NTSR1: variants seen among roughly 807,000 people sequenced by gnomAD.
The protein encoded by NTSR1 is neurotensin receptor type 1.
A neutral mutation model predicts 31.2 loss-of-function variants in NTSR1; 29 were observed. The observed-to-expected ratio is 0.93, with a 90% CI of 0.69 to 1.27. The LOEUF (loss-of-function observed/expected upper bound fraction) is 1.27, where lower values mean the gene tolerates loss of function less well. NTSR1 is among the 50% of genes most tolerant of loss of function. The probability of loss-of-function intolerance (pLI) is 0.00; values close to 1 mark genes in which losing one functional copy is unlikely to be tolerated. For missense variants in NTSR1, 697 were observed against 595.4 expected, an observed-to-expected ratio of 1.17 and a Z score of -1.78; for synonymous variants, 282 against 269.9, an observed-to-expected ratio of 1.04 and a Z score of -0.44.
chr20:62,739,791 C>G (rs1013487962), intron 1 of NTSR1, among the ~76,000 whole-genome samples: 1 of 152,280 alleles, frequency 6.6e-6, no homozygotes, highest in Non-Finnish European at 1.5e-5. Context: ...GGCAGAAAAG[C>G]ACACAGAGAA....
chr20:62,741,954 GC>G lies in NTSR1; in HGVS notation c.715-12729del, dbSNP rs1310041263. ...TATCTACAAAAGGAGCCTGACAGGA[GC>G]CTCTGCCTCACAGATGAGACCTGTG... On this transcript the variant is annotated intron_variant, in intron 1 of 3. Coordinates refer to ENST00000370501, the MANE Select transcript of NTSR1 (RefSeq NM_002531.3). The surrounding 1 kb of genome is among the most constrained non-coding windows in gnomAD (Gnocchi z 4.3). Among the ~76,000 whole-genome samples, 1 of 149,460 alleles carries G rather than the reference GC, an allele frequency of 6.7e-6. No homozygotes were observed. The highest frequency in any genetic ancestry group is 1.5e-5 in the Non-Finnish European group (1 of 68,020).
intron 3 of NTSR1, 104 bp from the exon 4 acceptor site, chr20:62,759,914 G>A (rs545637574): frequency 3.6e-5 from 41 of 1,132,696 alleles, no homozygotes; most frequent in Middle Eastern, 4.1e-4. Context: ...TTTAATTAGC[G>A]TCTGAGCCAC....
chr20:62,709,119 T>C lies in NTSR1; in HGVS notation c.-89T>C. ...CACGCGCCCTCCCCTGGGCTCCCGT[T>C]CATCGGTCCCCGCCTGAGACGCGCC... On this transcript the variant is annotated 5_prime_UTR_variant, in exon 1 of 4. Coordinates refer to ENST00000370501, the MANE Select transcript of NTSR1 (RefSeq NM_002531.3). 1 of 1,110,896 alleles carries C rather than the reference T, an allele frequency of 9.0e-7. No individual in the cohort carries two copies. Among genetic ancestry groups the C allele is most frequent in the Non-Finnish European group, 1.2e-6 (1 of 842,680 alleles). The allele number at this position is 1,110,896 out of a possible 1,614,324, so 68.8% of individuals were successfully genotyped here. A position where few individuals can be genotyped will look rare whatever the true frequency, so the allele number is the denominator to read the frequency against.
rs1454958126 is a variant in NTSR1 at position 62,709,663 on chromosome 20, C to T, written c.456C>T (p.Thr152=). Reference sequence around the variant, plus strand: ...ACTACTTCCTGCGCGACGCCTGCACCTACGCCACGGCCCTCAACGTGGCCA... The same window carrying T: ...ACTACTTCCTGCGCGACGCCTGCACTTACGCCACGGCCCTCAACGTGGCCA... The part of the protein sequence containing the change: ...RGYYFLRDAC[T]YATALNVASL... Residue 152 remains threonine (T), a synonymous_variant, in exon 1 of 4, where the codon ACC becomes ACT. Transcript: ENST00000370501. The T allele has an allele frequency of 3.1e-6, 5 of 1,612,596 alleles. No individual in the cohort carries two copies. In the East Asian group the frequency reaches 1.1e-4, roughly 36 times the overall value.
At chr20:62,713,125 A>G (rs909119256) in intron 1 of NTSR1, among the ~76,000 whole-genome samples, 12 of 152,324 alleles carry the variant, frequency 7.9e-5, no homozygotes, top group Non-Finnish European at 1.0e-4. Flanking sequence ...GCACGAGTCC[A>G]TTAGACCCTC....
chr20:62,711,683 A>G lies in NTSR1; in HGVS notation c.714+1762A>G, dbSNP rs1467445181. On this transcript the variant is annotated intron_variant, in intron 1 of 3. Transcript: ENST00000370501. This position sits in a 1 kb window ranked among gnomAD's most constrained non-coding sequence, Gnocchi z 6.4. Reference sequence around the variant, plus strand: ...GCAGTCCTCAAAAACAAACAGCCGAAAAGCACAGGGGCGTGAGGACAGCTC... The same window carrying G: ...GCAGTCCTCAAAAACAAACAGCCGAGAAGCACAGGGGCGTGAGGACAGCTC... Among the ~76,000 whole-genome samples, 5 of 152,082 alleles carry G rather than the reference A, an allele frequency of 3.3e-5. No homozygotes were observed. In the East Asian group the frequency reaches 9.7e-4, roughly 30 times the overall value.
chr20:62,759,963 C>G, intron 3 of NTSR1, 55 bp from the exon 4 acceptor site: 1 of 1,590,836 alleles, frequency 6.3e-7, no homozygotes, highest in Non-Finnish European at 8.6e-7. Flanking sequence ...TGTCACCCTG[C>G]CTTGGGGCCC....
At position 62,714,744 on chromosome 20, in the gene NTSR1, TACAA is replaced by T. The variant is rs1012352380; in HGVS notation, c.714+4827_714+4830del. Among the ~76,000 whole-genome samples the T allele has an allele frequency of 3.3e-5, 5 of 152,198 alleles. No homozygotes were observed. Among genetic ancestry groups the T allele is most frequent in the African/African-American group, 7.2e-5 (3 of 41,442 alleles). The stretch of plus-strand genomic sequence containing the variant: ...TCCAAATAAACAACTCGTTCTGTTC[TACAA>T]ACAGTGAGGGAATCGGAGACGGTGG... On this transcript the variant is annotated intron_variant, in intron 1 of 3. Coordinates refer to ENST00000370501, the MANE Select transcript of NTSR1 (RefSeq NM_002531.3). This position sits in a 1 kb window ranked among gnomAD's most constrained non-coding sequence, Gnocchi z 4.1.
At chr20:62,713,935 A>G (rs1286266067) in intron 1 of NTSR1, among the ~76,000 whole-genome samples, 1 of 152,188 alleles carries the variant, frequency 6.6e-6, no homozygotes, top group Admixed American at 6.5e-5. Context: ...ACCCATCTCT[A>G]CTAAAAATAC....
At chr20:62,755,328 C>T (rs1318688113) in intron 2 of NTSR1, among the ~76,000 whole-genome samples, 18 of 99,444 alleles carry the variant, frequency 1.8e-4, no homozygotes, top group African/African-American at 6.9e-4. Context: ...TTCCTTCCTC[C>T]CTCCCTCCAT....
chr20:62,719,015 G>A (rs912936313), intron 1 of NTSR1, among the ~76,000 whole-genome samples: 1 of 151,894 alleles, frequency 6.6e-6, no homozygotes, highest in Non-Finnish European at 1.5e-5. Flanking sequence ...ATCCTGGCCA[G>A]CTCCTGGTCT....
At position 62,711,762 on chromosome 20, in the gene NTSR1, A is replaced by T. The variant is rs1988620518; in HGVS notation, c.714+1841A>T. On this transcript the variant is annotated intron_variant, in intron 1 of 3. Coordinates refer to ENST00000370501, the MANE Select transcript of NTSR1 (RefSeq NM_002531.3). The surrounding 1 kb of genome is among the most constrained non-coding windows in gnomAD (Gnocchi z 6.4). ...CGCGTGCGTGGGCTCTCTGCCAGGT[A>T]CTTGGGATTGGGCACCTGGGGGACA... 6.6e-6 allele frequency among the ~76,000 whole-genome samples: 1 copy of T among 152,254 alleles called. No individual in the cohort carries two copies. The highest frequency in any genetic ancestry group is 2.4e-5 in the African/African-American group (1 of 41,570).
chr20:62,739,087 T>C (rs1438865630), intron 1 of NTSR1, among the ~76,000 whole-genome samples: 2 of 152,230 alleles, frequency 1.3e-5, no homozygotes, highest in East Asian at 3.8e-4. Flanking sequence ...CCTGCGTGGC[T>C]GTGAGGGAGA....
At chr20:62,755,182 C>G in intron 2 of NTSR1, among the ~76,000 whole-genome samples, 1 of 125,882 alleles carries the variant, frequency 7.9e-6, no homozygotes. Flanking sequence ...CCCTCCACCC[C>G]TCCCTCCTCC....
At position 62,745,320 on chromosome 20, in the gene NTSR1, G is replaced by A. The variant is rs1989281137; in HGVS notation, c.715-9365G>A. Among the ~76,000 whole-genome samples, 1 of 151,940 alleles carries A rather than the reference G, an allele frequency of 6.6e-6. No homozygotes were observed. The highest frequency in any genetic ancestry group is 1.5e-5 in the Non-Finnish European group (1 of 68,014). ...ACATAGAGGAAAACAGACACAGGGAGACACAGAGACAGAGATACAGAGACA... is the reference window on the plus strand; with the variant it reads ...ACATAGAGGAAAACAGACACAGGGAAACACAGAGACAGAGATACAGAGACA... On this transcript the variant is annotated intron_variant, in intron 1 of 3. Transcript: ENST00000370501. This position sits in a 1 kb window ranked among gnomAD's most constrained non-coding sequence, Gnocchi z 4.1.
Position 62,758,445 on chromosome 20 carries a change from C to A in NTSR1, c.1007+89C>A. 1 of 1,204,956 alleles carries A rather than the reference C, an allele frequency of 8.3e-7. No individual in the cohort carries two copies. The highest frequency in any genetic ancestry group is 1.2e-6 in the Non-Finnish European group (1 of 828,434). 74.6% of individuals were successfully genotyped at this position (1,204,956 alleles called of 1,614,324 possible). ...GTGTGGCAGGCACTGCTGAGGGGAT[C>A]CACTCAGGGCAGGGGTGTGGTGAGT... On this transcript the variant is annotated intron_variant, in intron 3 of 3. Coordinates refer to ENST00000370501, the MANE Select transcript of NTSR1 (RefSeq NM_002531.3). This position sits in a 1 kb window ranked among gnomAD's most constrained non-coding sequence, Gnocchi z 4.5.
intron 1 of NTSR1, among the ~76,000 whole-genome samples, chr20:62,734,451 G>A (rs530512063): frequency 1.3e-5 from 2 of 152,218 alleles, no homozygotes; most frequent in Non-Finnish European, 2.9e-5. Flanking sequence ...TTAGGTGGTT[G>A]AAAATGAGTA....
chr20:62,750,195 GC>G (rs533466976), intron 1 of NTSR1, among the ~76,000 whole-genome samples: 18 of 152,220 alleles, frequency 1.2e-4, no homozygotes, highest in Non-Finnish European at 2.1e-4. Flanking sequence ...AATAAGCCAG[GC>G]GCAGAAAGAC....
intron 2 of NTSR1, 119 bp downstream of exon 2, chr20:62,755,005 C>T: frequency 3.0e-6 from 3 of 1,000,564 alleles, no homozygotes; most frequent in Non-Finnish European, 2.9e-6. Flanking sequence ...AGCTGTCAGG[C>T]CAAGACCCAA....
Sources: gnomAD v4.1 joint callset for allele counts (sites outside exome capture counted in the v4.1 genomes callset) on GRCh38, gnomAD v4.1.1 for gene constraint, Gnocchi (gnomAD v3.1) non-coding constraint, MANE v1.5 for transcripts, NCBI Gene and HGNC (gene_info 2026-07-23, HGNC 2026-07-21) for gene names.